Variants in AFAP1 observed in about 807,000 individuals in gnomAD.
The protein encoded by AFAP1 is actin filament-associated protein 1.
AFAP1 carries 75 observed loss-of-function variants against 93.9 expected under a neutral mutation model. The ratio of observed to expected loss-of-function variants is 0.80; its 90% confidence interval spans 0.66 to 0.97. The LOEUF is 0.97. AFAP1 is among the 50% of genes least tolerant of loss of function. The pLI is 0.00. For missense variants in AFAP1, 1,201 were observed against 1,050.8 expected (o/e 1.14, Z -1.98); for synonymous variants, 517 against 430.7 (o/e 1.20, Z -2.48).
intron 2 of AFAP1, among the ~76,000 whole-genome samples, chr4:7,869,004 A>G (rs1433253800): frequency 2.6e-5 from 4 of 151,204 alleles, no homozygotes; most frequent in African/African-American, 9.7e-5. Flanking sequence ...AAAGAGAAAG[A>G]GAAAGGGAAA....
At chr4:7,813,019 T>C (rs1211055341) in intron 8 of AFAP1, among the ~76,000 whole-genome samples, 1 of 152,156 alleles carries the variant, frequency 6.6e-6, no homozygotes, top group Non-Finnish European at 1.5e-5. Flanking sequence ...GTCGGTTTAT[T>C]AGACAGGAGG....
At position 7,855,448 on chromosome 4, in the gene AFAP1, G is replaced by A; in HGVS notation, c.334+18C>T. ...CCAATCACAAAGGCAGCATGGCTGGGCAGGGCTGGCCACTCACTTGATGTG... is the reference window on the plus strand; with the variant it reads ...CCAATCACAAAGGCAGCATGGCTGGACAGGGCTGGCCACTCACTTGATGTG... On this transcript the variant is annotated intron_variant, in intron 4 of 17. Coordinates refer to ENST00000420658, the MANE Select transcript of AFAP1 (RefSeq NM_001134647.2). 2.6e-6 allele frequency: 4 copies of A among 1,555,382 alleles called. No homozygotes were observed. The highest frequency in any genetic ancestry group is 3.5e-6 in the Non-Finnish European group (4 of 1,138,434).
intron 6 of AFAP1, among the ~76,000 whole-genome samples, chr4:7,828,147 T>C (rs1480323282): frequency 6.6e-6 from 1 of 152,180 alleles, no homozygotes; most frequent in African/African-American, 2.4e-5. Context: ...TTGAGAACTC[T>C]GGCAAAGCCA....
At chr4:7,845,186 C>T (rs567792692) in intron 4 of AFAP1, among the ~76,000 whole-genome samples, 8 of 152,244 alleles carry the variant, frequency 5.3e-5, no homozygotes, top group African/African-American at 1.9e-4. Context: ...CTTTGGGAGG[C>T]CAAGGCGGGC....
At chr4:7,901,733 A>T (rs1719128247) in intron 1 of AFAP1, among the ~76,000 whole-genome samples, 1 of 152,246 alleles carries the variant, frequency 6.6e-6, no homozygotes, top group African/African-American at 2.4e-5. Context: ...GCTGAACTGG[A>T]TGCATGAGAA....
chr4:7,872,884 C>T (rs1270220241), intron 1 of AFAP1, among the ~76,000 whole-genome samples: 4 of 146,430 alleles, frequency 2.7e-5, no homozygotes, highest in Non-Finnish European at 5.9e-5. Flanking sequence ...ACTATCCTAG[C>T]GGTCATGATA....
intron 1 of AFAP1, among the ~76,000 whole-genome samples, chr4:7,885,711 A>G (rs1332923778): frequency 6.6e-6 from 1 of 152,244 alleles, no homozygotes; most frequent in Non-Finnish European, 1.5e-5. Flanking sequence ...CTTCAAAGAG[A>G]AAATTGCAGA....
chr4:7,901,894 G>A (rs1049630513), intron 1 of AFAP1, among the ~76,000 whole-genome samples: 1 of 152,094 alleles, frequency 6.6e-6, no homozygotes, highest in Non-Finnish European at 1.5e-5. Flanking sequence ...TCTGTTCTAA[G>A]GCTCACATCT....
Position 7,872,061 on chromosome 4 carries a change from A to G in AFAP1, c.18T>C (p.Val6=). MEELI[V]ELRLFLELLD... ...GGAGTTCAAGAAAGAGACGAAGTTCAACTATTAACTCTTCCATTGCTGACA... is the reference window on the plus strand; with the variant it reads ...GGAGTTCAAGAAAGAGACGAAGTTCGACTATTAACTCTTCCATTGCTGACA... The change falls in exon 2 of 18, where the codon GTT becomes GTC. Residue 6 remains valine, a synonymous_variant. Coordinates refer to ENST00000420658, the MANE Select transcript of AFAP1 (RefSeq NM_001134647.2). 6.2e-7 allele frequency: 1 copy of G among 1,614,062 alleles called. No homozygotes were observed. Among genetic ancestry groups the G allele is most frequent in the East Asian group, 2.2e-5 (1 of 44,870 alleles).
rs146456104 is a variant in AFAP1, at chr4:7,813,438, C to T, written c.904+2580G>A. ...GAAGGTTGTTCTTGTTAAGAGGAAACAGGAGAATTTTAAATACAGATATAT... is the reference window on the plus strand; with the variant it reads ...GAAGGTTGTTCTTGTTAAGAGGAAATAGGAGAATTTTAAATACAGATATAT... On this transcript the variant is annotated intron_variant, in intron 8 of 17. Transcript: ENST00000420658. Among the ~76,000 whole-genome samples the T allele has an allele frequency of 9.8e-5, 15 of 152,314 alleles. No homozygotes were observed. The East Asian group carries it at 2.7e-3, about 27-fold the overall frequency.
At chr4:7,868,874 C>A (rs919886526) in intron 2 of AFAP1, among the ~76,000 whole-genome samples, 155 bp from the exon 3 acceptor site, 6 of 151,310 alleles carry the variant, frequency 4.0e-5, no homozygotes, top group Non-Finnish European at 5.9e-5. Context: ...AGGTATTATT[C>A]TTCTCCATTT....
intron 1 of AFAP1, among the ~76,000 whole-genome samples, chr4:7,896,922 G>A (rs1022181987): frequency 1.3e-5 from 2 of 152,112 alleles, no homozygotes; most frequent in Admixed American, 1.3e-4. Flanking sequence ...GTGTGACACG[G>A]TGTATCTATG....
chr4:7,892,964 A>G (rs1718557392), intron 1 of AFAP1, among the ~76,000 whole-genome samples: 1 of 152,216 alleles, frequency 6.6e-6, no homozygotes, highest in Non-Finnish European at 1.5e-5. Context: ...AACCAGAAAA[A>G]GATAAACTGG....
chr4:7,793,905 A>T (rs984258373), intron 10 of AFAP1, 79 bp from the exon 11 acceptor site: 1 of 1,362,108 alleles, frequency 7.3e-7, no homozygotes, highest in Non-Finnish European at 9.7e-7. Flanking sequence ...TAAAGAGACC[A>T]CATAATAGGA....
intron 1 of AFAP1, among the ~76,000 whole-genome samples, chr4:7,898,611 T>G (rs553015871): frequency 6.9e-6 from 1 of 145,380 alleles, no homozygotes; most frequent in Non-Finnish European, 1.5e-5. Context: ...AACTTCTCCA[T>G]AAGTCTGGAT....
intron 10 of AFAP1, among the ~76,000 whole-genome samples, chr4:7,796,289 C>T (rs1314722913): frequency 1.3e-5 from 2 of 152,126 alleles, no homozygotes; most frequent in African/African-American, 4.8e-5. Flanking sequence ...TCTCCTTGTG[C>T]CACAAAGTAA....
intron 6 of AFAP1, among the ~76,000 whole-genome samples, chr4:7,819,407 T>A (rs4447866): frequency 6.6e-6 from 1 of 152,068 alleles, no homozygotes; most frequent in East Asian, 1.9e-4. Flanking sequence ...GCAACTACGT[T>A]TCCTGCTGGC....
chr4:7,769,055 C>T (rs374832060), intron 16 of AFAP1, 47 bp from the exon 17 acceptor site: 3 of 1,523,734 alleles, frequency 2.0e-6, no homozygotes, highest in Non-Finnish European at 2.7e-6. Context: ...TTCTGGGCCA[C>T]TGGTATTCTC....
intron 1 of AFAP1, among the ~76,000 whole-genome samples, chr4:7,891,011 A>C (rs556007674): frequency 6.6e-6 from 1 of 152,334 alleles, no homozygotes; most frequent in African/African-American, 2.4e-5. Context: ...CTAAGCAGCC[A>C]CTAATAAGCA....
Sources: allele counts gnomAD v4.1 joint callset (sites outside exome capture counted in the v4.1 genomes callset), GRCh38; gene constraint gnomAD v4.1.1; transcripts MANE v1.5; gene names NCBI Gene and HGNC (gene_info 2026-07-23, HGNC 2026-07-21).